L2HGDH: variants seen among roughly 807,000 people sequenced by gnomAD.
L2HGDH encodes L-2-hydroxyglutarate dehydrogenase.
L2HGDH carries 34 observed loss-of-function variants against 51.5 expected under a neutral mutation model. The ratio of observed to expected loss-of-function variants is 0.66; its 90% CI spans 0.50 to 0.88. L2HGDH has a LOEUF of 0.88. Among genes scored for constraint, L2HGDH ranks in the 40% least tolerant of loss-of-function variants. L2HGDH has a pLI of 0.00. For synonymous variants in L2HGDH, 198 were observed against 197.9 expected, an observed-to-expected ratio of 1.00 and a Z score of -0.01; for missense variants, 558 against 571.9, an observed-to-expected ratio of 0.98 and a Z score of 0.25.
At chr14:50,283,399 C>T (rs527485550) in intron 5 of L2HGDH, among the ~76,000 whole-genome samples, 4 of 152,246 alleles carry the variant, frequency 2.6e-5, no homozygotes, top group African/African-American at 9.6e-5. Flanking sequence ...CTCTCACATT[C>T]AGTCTGCACC....
chr14:50,282,197 C>A (rs1890311547), intron 5 of L2HGDH, among the ~76,000 whole-genome samples: 1 of 152,090 alleles, frequency 6.6e-6, no homozygotes, highest in South Asian at 2.1e-4. Context: ...ATCTAGTGGA[C>A]AGAAGCCAGG....
At chr14:50,306,586 T>A (rs1402434906) in intron 1 of L2HGDH, among the ~76,000 whole-genome samples, 1 of 132,896 alleles carries the variant, frequency 7.5e-6, no homozygotes. Context: ...TTTGGGGGGT[T>A]TTTTTGTTTT....
chr14:50,253,953 T>A (rs558491469), intron 9 of L2HGDH, among the ~76,000 whole-genome samples: 9 of 152,094 alleles, frequency 5.9e-5, no homozygotes, highest in Non-Finnish European at 1.2e-4. Flanking sequence ...TTCATACTTA[T>A]TAGTGGGATC....
intron 1 of L2HGDH, among the ~76,000 whole-genome samples, chr14:50,303,291 G>A (rs555965428): frequency 1.3e-5 from 2 of 150,812 alleles, no homozygotes; most frequent in Non-Finnish European, 3.0e-5. Flanking sequence ...GCGTGGTGGC[G>A]CGTGCCTGTA....
At chr14:50,275,989 C>T (rs1390257931) in intron 6 of L2HGDH, among the ~76,000 whole-genome samples, 3 of 152,098 alleles carry the variant, frequency 2.0e-5, no homozygotes, top group Non-Finnish European at 4.4e-5. Flanking sequence ...CTTTGGGTTC[C>T]CCTGCCAGTA....
At chr14:50,304,126 C>A (rs2030590273) in intron 1 of L2HGDH, among the ~76,000 whole-genome samples, 1 of 152,190 alleles carries the variant, frequency 6.6e-6, no homozygotes. Flanking sequence ...CAAGCCTGTA[C>A]AGCAGGTTAC....
At chr14:50,261,422 G>C (rs1284643550) in intron 9 of L2HGDH, among the ~76,000 whole-genome samples, 3 of 152,194 alleles carry the variant, frequency 2.0e-5, no homozygotes, top group African/African-American at 4.8e-5. Context: ...AGTGCTAACA[G>C]ATACAAACTG....
At chr14:50,304,607 G>A (rs897152275) in intron 1 of L2HGDH, among the ~76,000 whole-genome samples, 10 of 152,150 alleles carry the variant, frequency 6.6e-5, no homozygotes, top group African/African-American at 1.7e-4. Flanking sequence ...AGGCCAAGGC[G>A]GGCAGATCAC....
Position 50,312,045 on chromosome 14 carries a change from G to T in L2HGDH, c.106C>A (p.Pro36Thr), listed in dbSNP as rs2031253004. ...GCGCTGCGGCTACCTCCACACAGCGGTCTTGGCCTCCCAGACGCGAACCCG... is the reference window on the plus strand; with the variant it reads ...GCGCTGCGGCTACCTCCACACAGCGTTCTTGGCCTCCCAGACGCGAACCCG... ...ACGFASGRPR[P>T]LCGGSRSAST... Residue 36 changes from proline to threonine, a missense_variant, in exon 1 of 10, where the codon CCG becomes ACG. Coordinates refer to ENST00000267436, the MANE Select transcript of L2HGDH (RefSeq NM_024884.3). 1.9e-6 allele frequency: 3 copies of T among 1,586,642 alleles called. No homozygotes were observed. The highest frequency in any genetic ancestry group is 2.7e-5 in the African/African-American group (2 of 74,634).
At chr14:50,285,416 G>A (rs1286668644) in intron 4 of L2HGDH, among the ~76,000 whole-genome samples, 2 of 152,126 alleles carry the variant, frequency 1.3e-5, no homozygotes, top group Non-Finnish European at 2.9e-5. Context: ...TAGAATATAA[G>A]AGTATTTGCC....
At chr14:50,265,548 C>A in intron 8 of L2HGDH, 59 bp from the exon 9 acceptor site, 1 of 1,379,094 alleles carries the variant, frequency 7.3e-7, no homozygotes, top group Non-Finnish European at 1.0e-6. Flanking sequence ...ACGTAAAATA[C>A]CTTTATAATT....
At chr14:50,297,587 G>A (rs1350891548) in intron 3 of L2HGDH, among the ~76,000 whole-genome samples, 1 of 152,156 alleles carries the variant, frequency 6.6e-6, no homozygotes, top group African/African-American at 2.4e-5. Flanking sequence ...TATTTACAGA[G>A]AGTTTCATCC....
At position 50,309,068 on chromosome 14, in the gene L2HGDH, T is replaced by C. The variant is rs182422647; in HGVS notation, c.140+2943A>G. 4.6e-5 allele frequency among the ~76,000 whole-genome samples: 7 copies of C among 152,350 alleles called. No homozygotes were observed. In the East Asian group the frequency reaches 7.7e-4, roughly 17 times the overall value. ...TTTTGTGTATTAGTCCTTTGGGAGATATGCAGTTGCTGGTATTTTTTTCCC... is the reference window on the plus strand; with the variant it reads ...TTTTGTGTATTAGTCCTTTGGGAGACATGCAGTTGCTGGTATTTTTTTCCC... On this transcript the variant is annotated intron_variant, in intron 1 of 9. Coordinates refer to ENST00000267436, the MANE Select transcript of L2HGDH (RefSeq NM_024884.3).
chr14:50,270,669 G>C (rs752228474), intron 6 of L2HGDH, among the ~76,000 whole-genome samples: 5 of 152,214 alleles, frequency 3.3e-5, no homozygotes, highest in Middle Eastern at 6.8e-3. Flanking sequence ...ACCACGCCCG[G>C]CTAATTTTTT....
chr14:50,255,995 T>C (rs1296638278), intron 9 of L2HGDH, among the ~76,000 whole-genome samples: 1 of 151,734 alleles, frequency 6.6e-6, no homozygotes, highest in East Asian at 1.9e-4. Context: ...AGAGTGAGAC[T>C]CCGTCTCAAA....
intron 1 of L2HGDH, among the ~76,000 whole-genome samples, chr14:50,303,810 T>TA (rs5808550): frequency 0.63 from 72,017 of 113,966 alleles, 22,533 homozygotes; most frequent in Non-Finnish European, 0.66. Context: ...TTAGACGCAT[T>TA]AAAAAAAAAA....
At chr14:50,298,526 T>C (rs2030213837) in intron 3 of L2HGDH, among the ~76,000 whole-genome samples, 1 of 151,860 alleles carries the variant, frequency 6.6e-6, no homozygotes, top group Non-Finnish European at 1.5e-5. Flanking sequence ...CGTTGGTCAG[T>C]CTGGTCTCGA....
At chr14:50,258,148 A>G (rs557260104) in intron 9 of L2HGDH, among the ~76,000 whole-genome samples, 225 of 152,000 alleles carry the variant, frequency 1.5e-3, no homozygotes, top group Admixed American at 3.5e-3. Context: ...TCCAGTTGCA[A>G]CAATTATACA....
chr14:50,299,388 C>G (rs2030271192), intron 3 of L2HGDH, among the ~76,000 whole-genome samples: 1 of 152,086 alleles, frequency 6.6e-6, no homozygotes, highest in South Asian at 2.1e-4. Context: ...TAAATTTTAC[C>G]AAACATTTAA....
Sources: allele counts gnomAD v4.1 joint callset (sites outside exome capture counted in the v4.1 genomes callset), GRCh38; gene constraint gnomAD v4.1.1; transcripts MANE v1.5; gene names NCBI Gene and HGNC (gene_info 2026-07-23, HGNC 2026-07-21).